ELMOD1: variants seen among roughly 807,000 people sequenced by gnomAD.
ELMOD1 encodes the protein ELMO domain containing 1, also known as ELMO domain-containing protein 1.
ELMOD1 carries 21 observed loss-of-function variants against 46.7 expected under a neutral mutation model. That is an observed-to-expected ratio of 0.45 (90% confidence interval 0.32 to 0.65). The LOEUF (loss-of-function observed/expected upper bound fraction) is 0.65, where lower values mean the gene tolerates loss of function less well. Ranked by LOEUF, ELMOD1 falls within the 30% of genes least tolerant of loss-of-function variation. ELMOD1 has a pLI of 0.04. For synonymous variants in ELMOD1, 122 were observed against 138.2 expected, an observed-to-expected ratio of 0.88 and a Z score of 0.82; for missense variants, 348 against 407.8, an observed-to-expected ratio of 0.85 and a Z score of 1.26.
intron 1 of ELMOD1, among the ~76,000 whole-genome samples, chr11:107,597,168 A>G (rs1398600035): frequency 1.3e-5 from 2 of 152,176 alleles, no homozygotes; most frequent in African/African-American, 4.8e-5. Flanking sequence ...ATCATAATGC[A>G]AAGCTCAAAG....
At chr11:107,632,801 C>T (rs1339073085) in intron 5 of ELMOD1, among the ~76,000 whole-genome samples, 3 of 152,144 alleles carry the variant, frequency 2.0e-5, no homozygotes, top group Non-Finnish European at 4.4e-5. Flanking sequence ...GATTTAATAG[C>T]AAATCTTTTC....
At chr11:107,639,146 T>TAAA (rs1271563785) in intron 6 of ELMOD1, among the ~76,000 whole-genome samples, 1 of 151,996 alleles carries the variant, frequency 6.6e-6, no homozygotes, top group East Asian at 1.9e-4. Flanking sequence ...GTGACCTTTC[T>TAAA]AAAAAATAAT....
In ELMOD1 at chr11:107,655,959, A is replaced by G. The variant is rs377434742; in HGVS notation, c.725A>G (p.Asn242Ser). 1 of 1,605,618 alleles carries G rather than the reference A, an allele frequency of 6.2e-7. No homozygotes were observed. Among genetic ancestry groups the G allele is most frequent in the Non-Finnish European group, 8.5e-7 (1 of 1,175,362 alleles). The change falls in exon 11 of 12, where the codon AAT (asparagine) becomes AGT (serine). Residue 242 changes from asparagine (N) to serine (S), a missense_variant. Transcript: ENST00000265840. ...IGYSFAIVGI[N>S]ITDLAYNLLV... ...TACTCATTTGCAATTGTGGGCATCAATATAACTGACCTGGCATATAATCTA... is the reference window on the plus strand; with the variant it reads ...TACTCATTTGCAATTGTGGGCATCAGTATAACTGACCTGGCATATAATCTA...
At chr11:107,649,752 A>G (rs1866493432) in intron 7 of ELMOD1, among the ~76,000 whole-genome samples, 2 of 152,194 alleles carry the variant, frequency 1.3e-5, no homozygotes, top group Admixed American at 6.5e-5. Flanking sequence ...CATTGTCTCT[A>G]TGAAGTACTT....
At chr11:107,623,164 C>T (rs1335910188) in intron 2 of ELMOD1, 1 of 152,084 alleles carries the variant, frequency 6.6e-6, no homozygotes, top group Non-Finnish European at 1.5e-5. Flanking sequence ...TGTGATGTTC[C>T]CCTTCCTGTG....
chr11:107,656,076 C>T lies in ELMOD1; in HGVS notation c.832+10C>T. 2 of 1,551,934 alleles carry T rather than the reference C, an allele frequency of 1.3e-6. No individual in the cohort carries two copies. Among genetic ancestry groups the T allele is most frequent in the Non-Finnish European group, 1.7e-6 (2 of 1,147,146 alleles). On this transcript the variant is annotated intron_variant, in intron 11 of 11. Transcript: ENST00000265840. ...TTTCAGCAAACATTCTGTAAGTATC[C>T]TGTTGTATAATTATCAATATAGGTT... is the stretch of plus-strand genomic sequence containing the variant.
chr11:107,614,758 G>T (rs80082158), intron 1 of ELMOD1, among the ~76,000 whole-genome samples: 3 of 152,156 alleles, frequency 2.0e-5, no homozygotes, highest in African/African-American at 4.8e-5. Context: ...AAGCCTGCTT[G>T]ATCTGACCCT....
At chr11:107,615,449 G>A (rs577762547) in intron 1 of ELMOD1, among the ~76,000 whole-genome samples, 96 of 151,764 alleles carry the variant, frequency 6.3e-4, no homozygotes, top group Middle Eastern at 3.4e-3. Context: ...TGGCCAGGAT[G>A]GTCTCGATCT....
intron 2 of ELMOD1, among the ~76,000 whole-genome samples, chr11:107,622,664 T>G (rs780731540): frequency 1.3e-5 from 2 of 152,220 alleles, no homozygotes; most frequent in Non-Finnish European, 2.9e-5. Flanking sequence ...GTCAAACTTT[T>G]TATTCAGCAT....
intron 1 of ELMOD1, chr11:107,592,396 T>A (rs937851290): frequency 5.6e-6 from 3 of 534,460 alleles, no homozygotes; most frequent in Admixed American, 3.9e-5. Context: ...GAGACCAATT[T>A]TGGGCAGGCA....
chr11:107,629,385 A>G (rs1253058503), intron 2 of ELMOD1, among the ~76,000 whole-genome samples: 1 of 152,222 alleles, frequency 6.6e-6, no homozygotes, highest in Non-Finnish European at 1.5e-5. Flanking sequence ...GATGACAACA[A>G]AAGGAAGTAA....
At chr11:107,622,953 C>A (rs1422365989) in intron 2 of ELMOD1, among the ~76,000 whole-genome samples, 1 of 152,050 alleles carries the variant, frequency 6.6e-6, no homozygotes, top group East Asian at 1.9e-4. Flanking sequence ...TAAACACACA[C>A]AAATATGCAC....
In ELMOD1 at chr11:107,658,657, C is replaced by T. The variant is rs578116249; in HGVS notation, c.832+2591C>T. On this transcript the variant is annotated intron_variant, in intron 11 of 11. Coordinates refer to ENST00000265840, the MANE Select transcript of ELMOD1 (RefSeq NM_018712.4). ...TGCTTCTAAAAATTGGAAAAGTTGCCGGCACAGTGGCTCACACCTGTAATC... is the reference window on the plus strand; with the variant it reads ...TGCTTCTAAAAATTGGAAAAGTTGCTGGCACAGTGGCTCACACCTGTAATC... Among the ~76,000 whole-genome samples the T allele has an allele frequency of 1.1e-4, 17 of 152,254 alleles. No homozygotes were observed. The East Asian group carries it at 2.7e-3, about 24-fold the overall frequency.
At chr11:107,637,351 C>T (rs1216587246) in intron 6 of ELMOD1, among the ~76,000 whole-genome samples, 1 of 152,104 alleles carries the variant, frequency 6.6e-6, no homozygotes, top group Non-Finnish European at 1.5e-5. Flanking sequence ...TCATTTCTGC[C>T]CTCAAGCAGC....
intron 2 of ELMOD1, chr11:107,625,399 T>G (rs1356927523): frequency 1.0e-6 from 1 of 982,828 alleles, no homozygotes; most frequent in Non-Finnish European, 1.2e-6. Context: ...TATTACAGGA[T>G]TTCTTCAAGC....
chr11:107,600,018 T>C (rs1865570277), intron 1 of ELMOD1, among the ~76,000 whole-genome samples: 2 of 152,154 alleles, frequency 1.3e-5, no homozygotes. Flanking sequence ...CTAGCATACC[T>C]GTGATGATTC....
chr11:107,660,857 C>T (rs1236735835), intron 11 of ELMOD1, among the ~76,000 whole-genome samples: 3 of 152,214 alleles, frequency 2.0e-5, no homozygotes, highest in African/African-American at 7.2e-5. Context: ...CAATTATACT[C>T]CTGTTTGCCT....
intron 9 of ELMOD1, among the ~76,000 whole-genome samples, chr11:107,652,310 A>G (rs372048627): frequency 6.6e-6 from 1 of 152,372 alleles, no homozygotes; most frequent in African/African-American, 2.4e-5. Context: ...AGCATGACAC[A>G]TTACTGCTCT....
At chr11:107,595,453 T>C (rs1017241467) in intron 1 of ELMOD1, among the ~76,000 whole-genome samples, 9 of 152,172 alleles carry the variant, frequency 5.9e-5, no homozygotes, top group South Asian at 2.1e-4. Flanking sequence ...CAAGAATGTA[T>C]TGATGTTGCT....
Sources: allele counts gnomAD v4.1 joint callset (sites outside exome capture counted in the v4.1 genomes callset), GRCh38; gene constraint gnomAD v4.1.1; transcripts MANE v1.5; gene names NCBI Gene and HGNC (gene_info 2026-07-23, HGNC 2026-07-21).